The following ATP11A variants were observed in gnomAD, a reference collection of about 807,000 sequenced individuals.
The protein encoded by ATP11A is ATPase phospholipid transporting 11A, also known as phospholipid-transporting ATPase IH.
A neutral mutation model predicts 154.4 loss-of-function variants in ATP11A; 81 were observed. The observed-to-expected ratio is 0.52, with a 90% confidence interval of 0.44 to 0.63. The LOEUF is 0.63. Among genes scored for constraint, ATP11A ranks in the 30% least tolerant of loss-of-function variants. ATP11A has a pLI of 0.00. For synonymous variants in ATP11A, 623 were observed against 585.9 expected (o/e 1.06, Z -0.91); for missense variants, 1,316 against 1,474.3 (o/e 0.89, Z 1.76).
chr13:112,808,395 T>C (rs987006674), intron 4 of ATP11A, among the ~76,000 whole-genome samples: 64 of 151,986 alleles, frequency 4.2e-4, no homozygotes, highest in Non-Finnish European at 8.4e-4. Flanking sequence ...CTCCCGCGCG[T>C]CCTGCTACCC....
chr13:112,748,548 T>G (rs1322550768), intron 1 of ATP11A, among the ~76,000 whole-genome samples: 1 of 152,090 alleles, frequency 6.6e-6, no homozygotes, highest in African/African-American at 2.4e-5. Context: ...GTATTCTTTG[T>G]AGAGACAGGG....
At chr13:112,865,776 C>G (rs986675805) in intron 25 of ATP11A, among the ~76,000 whole-genome samples, 1 of 152,238 alleles carries the variant, frequency 6.6e-6, no homozygotes, top group Non-Finnish European at 1.5e-5. Flanking sequence ...GTCTCCATCT[C>G]CTGACCTCAG....
At chr13:112,731,374 A>G (rs775679148) in intron 1 of ATP11A, among the ~76,000 whole-genome samples, 1 of 152,220 alleles carries the variant, frequency 6.6e-6, no homozygotes, top group Non-Finnish European at 1.5e-5. Flanking sequence ...CTAAGCAGAA[A>G]TAGAAACTAA....
chr13:112,862,023 C>CACAGCAGGCGTAAGGA (rs2080121031), intron 24 of ATP11A, among the ~76,000 whole-genome samples: 1 of 44,640 alleles, frequency 2.2e-5, no homozygotes. Context: ...AGGCGTAAGG[C>CACAGCAGGCGTAAGGA]GTCACGTCAG....
rs549439130 is a variant in ATP11A at position 112,804,539 on chromosome 13, G to A, written c.163-418G>A. On this transcript the variant is annotated intron_variant, in intron 2 of 29. Transcript: ENST00000375645. The stretch of plus-strand genomic sequence containing the variant: ...TGCCTGAGCTGTGGACAAGAAACAC[G>A]CCTGCCTCAGAAGCTGCCTGGAGCT... 2.4e-4 allele frequency among the ~76,000 whole-genome samples: 33 copies of A among 137,762 alleles called. No homozygotes were observed. In the East Asian group the frequency reaches 3.5e-3, roughly 14 times the overall value. The allele number at this position is 137,762 out of a possible 152,430, so 90.4% of individuals were successfully genotyped here. A position where few individuals can be genotyped will look rare whatever the true frequency, so the allele number is the denominator to read the frequency against.
chr13:112,743,042 C>T (rs1001626342), intron 1 of ATP11A, among the ~76,000 whole-genome samples: 3 of 152,160 alleles, frequency 2.0e-5, no homozygotes, highest in Non-Finnish European at 4.4e-5. Flanking sequence ...GCCAGCAGAC[C>T]TCACCTGTGC....
chr13:112,814,913 A>T (rs1207340284), intron 5 of ATP11A, among the ~76,000 whole-genome samples: 1 of 152,154 alleles, frequency 6.6e-6, no homozygotes, highest in Non-Finnish European at 1.5e-5. Flanking sequence ...TTTGATAGGG[A>T]TTTTACTAAA....
intron 25 of ATP11A, among the ~76,000 whole-genome samples, chr13:112,867,966 A>G (rs947534274): frequency 1.7e-4 from 26 of 152,230 alleles, no homozygotes; most frequent in Admixed American, 7.2e-4. Context: ...AAATTATTCT[A>G]TAGGAATATC....
At chr13:112,851,998 A>G (rs1439701978) in intron 18 of ATP11A, 1 of 152,220 alleles carries the variant, frequency 6.6e-6, no homozygotes, top group Non-Finnish European at 1.5e-5. Context: ...ATAACTGGCA[A>G]AATTACCAAT....
intron 25 of ATP11A, among the ~76,000 whole-genome samples, chr13:112,863,932 G>A (rs1049010296): frequency 1.1e-5 from 1 of 94,884 alleles, no homozygotes; most frequent in Non-Finnish European, 2.3e-5. Context: ...CTTCCCAGCG[G>A]GGTCCATCAC....
At chr13:112,700,242 A>G (rs1417107550) in intron 1 of ATP11A, among the ~76,000 whole-genome samples, 1 of 152,224 alleles carries the variant, frequency 6.6e-6, no homozygotes, top group African/African-American at 2.4e-5. Context: ...GCAGCCTGGC[A>G]AGGCATCTCT....
chr13:112,855,922 A>T lies in ATP11A; in HGVS notation c.2255A>T (p.Asp752Val), dbSNP rs1258973908. The change falls in exon 20 of 30, where the codon GAT becomes GTT. Residue 752 changes from aspartate to valine, a missense_variant. Transcript: ENST00000375645. ...TRDNLSGLSA[D>V]MQDYGLIIDG... is the part of the protein sequence containing the mutation. ...ACGTACTCTAACAGACTTTCAGCAGATATGCAGGACTACGGTTTAATTATC... is the reference window on the plus strand; with the variant it reads ...ACGTACTCTAACAGACTTTCAGCAGTTATGCAGGACTACGGTTTAATTATC... 3 of 1,610,910 alleles carry T rather than the reference A, an allele frequency of 1.9e-6. No individual in the cohort carries two copies. The highest frequency in any genetic ancestry group is 1.3e-5 in the African/African-American group (1 of 74,870).
intron 1 of ATP11A, among the ~76,000 whole-genome samples, chr13:112,758,581 G>A (rs962187173): frequency 4.0e-5 from 6 of 151,686 alleles, no homozygotes; most frequent in Non-Finnish European, 2.9e-5. Context: ...CCGCCACCAT[G>A]CCCGGCTAAT....
intron 1 of ATP11A, among the ~76,000 whole-genome samples, chr13:112,713,895 C>A (rs531256807): frequency 5.3e-5 from 8 of 151,764 alleles, no homozygotes; most frequent in Non-Finnish European, 7.4e-5. Context: ...CCCCAGCCTC[C>A]CTTCCACTCC....
chr13:112,703,895 C>T (rs962762231), intron 1 of ATP11A, among the ~76,000 whole-genome samples: 1 of 152,126 alleles, frequency 6.6e-6, no homozygotes, highest in African/African-American at 2.4e-5. Flanking sequence ...CGGGATTGGG[C>T]CTGTCTGCTC....
intron 1 of ATP11A, among the ~76,000 whole-genome samples, chr13:112,764,532 C>A (rs1278504965): frequency 6.6e-6 from 1 of 152,186 alleles, no homozygotes; most frequent in Non-Finnish European, 1.5e-5. Flanking sequence ...CTGGGCTGGG[C>A]CCCCACCCTG....
At chr13:112,731,944 G>T (rs1044584626) in intron 1 of ATP11A, among the ~76,000 whole-genome samples, 2 of 143,956 alleles carry the variant, frequency 1.4e-5, no homozygotes, top group Non-Finnish European at 3.0e-5. Flanking sequence ...GGGCGGGGGG[G>T]GGCAGGTGGC....
chr13:112,714,883 G>A (rs923789586), intron 1 of ATP11A, among the ~76,000 whole-genome samples: 7 of 152,054 alleles, frequency 4.6e-5, no homozygotes, highest in Non-Finnish European at 7.4e-5. Flanking sequence ...CTGCCCCCCC[G>A]CAGAACTTCC....
chr13:112,864,466 C>T (rs1185236228), intron 25 of ATP11A, among the ~76,000 whole-genome samples: 20 of 86,084 alleles, frequency 2.3e-4, no homozygotes, highest in East Asian at 4.4e-4. Flanking sequence ...ATGCAGCTTC[C>T]CAGCGGGGTC....
Sources: gnomAD v4.1 joint callset for allele counts (sites outside exome capture counted in the v4.1 genomes callset) on GRCh38, gnomAD v4.1.1 for gene constraint, MANE v1.5 for transcripts, NCBI Gene and HGNC (gene_info 2026-07-23, HGNC 2026-07-21) for gene names.